DLGAP2: variants seen among roughly 807,000 people sequenced by gnomAD.
DLGAP2 encodes the protein disks large-associated protein 2.
A neutral mutation model predicts 100.3 loss-of-function variants in DLGAP2; 26 were observed. The observed-to-expected ratio is 0.26, with a 90% CI of 0.19 to 0.36. The LOEUF (loss-of-function observed/expected upper bound fraction) is 0.36, where lower values mean the gene tolerates loss of function less well. Ranked by LOEUF, DLGAP2 falls within the 10% of genes least tolerant of loss-of-function variation. The pLI is 1.00. For missense variants in DLGAP2, 1,858 were observed against 1,453.2 expected, an observed-to-expected ratio of 1.28 and a Z score of -4.53; for synonymous variants, 886 against 630.1, an observed-to-expected ratio of 1.41 and a Z score of -6.08.
At chr8:897,350 T>C (rs927235405) in intron 1 of DLGAP2, among the ~76,000 whole-genome samples, 8 of 152,222 alleles carry the variant, frequency 5.3e-5, no homozygotes, top group Non-Finnish European at 1.2e-4. Context: ...ACCACGATTG[T>C]GCCGATGTAT....
At chr8:1,316,549 CT>C (rs1563078692) in intron 3 of DLGAP2, among the ~76,000 whole-genome samples, 24 of 86,226 alleles carry the variant, frequency 2.8e-4, no homozygotes, top group South Asian at 1.2e-3. Flanking sequence ...AAAATAGAGG[CT>C]GTGCGAGTGC....
chr8:879,243 C>T (rs1015701671), intron 1 of DLGAP2, among the ~76,000 whole-genome samples: 1 of 152,198 alleles, frequency 6.6e-6, no homozygotes, highest in Non-Finnish European at 1.5e-5. Context: ...CTGTTAGCCA[C>T]TGACTAGAGA....
intron 3 of DLGAP2, among the ~76,000 whole-genome samples, chr8:1,487,897 C>T (rs140033576): frequency 6.6e-6 from 1 of 152,344 alleles, no homozygotes; most frequent in Non-Finnish European, 1.5e-5. Flanking sequence ...ACCACAGTTG[C>T]TGGAGCTGCT....
intron 2 of DLGAP2, among the ~76,000 whole-genome samples, chr8:1,066,175 T>C (rs1368970933): frequency 5.5e-5 from 7 of 127,430 alleles, no homozygotes; most frequent in South Asian, 5.6e-4. Flanking sequence ...GCGAGGACAG[T>C]TCCCCACCAC....
chr8:1,157,162 G>T (rs761693455), intron 2 of DLGAP2, among the ~76,000 whole-genome samples: 1 of 152,120 alleles, frequency 6.6e-6, no homozygotes, highest in African/African-American at 2.4e-5. Context: ...GCGGGGAAAA[G>T]TTCTCTCTCT....
At chr8:1,670,510 G>A (rs1006824521) in intron 10 of DLGAP2, among the ~76,000 whole-genome samples, 57 of 152,210 alleles carry the variant, frequency 3.7e-4, no homozygotes, top group Non-Finnish European at 5.9e-5. Flanking sequence ...CTGTGAGAGG[G>A]AACTGCACCC....
intron 8 of DLGAP2, among the ~76,000 whole-genome samples, chr8:1,657,195 T>C (rs546045740): frequency 2.0e-5 from 3 of 152,374 alleles, no homozygotes; most frequent in African/African-American, 4.8e-5. Flanking sequence ...TGATCACTTA[T>C]ATAATCCCAT....
At chr8:904,047 T>A (rs946065515) in intron 1 of DLGAP2, among the ~76,000 whole-genome samples, 5 of 152,148 alleles carry the variant, frequency 3.3e-5, no homozygotes, top group African/African-American at 1.2e-4. Flanking sequence ...GAGAGGACGC[T>A]GGTGGGGTGT....
chr8:1,428,123 G>T (rs996496931), intron 3 of DLGAP2, among the ~76,000 whole-genome samples: 1 of 150,842 alleles, frequency 6.6e-6, no homozygotes, highest in African/African-American at 2.4e-5. Flanking sequence ...GAAAGAAAAT[G>T]ATAAATATAA....
At chr8:1,645,875 A>C (rs1480466784) in intron 8 of DLGAP2, among the ~76,000 whole-genome samples, 1 of 152,200 alleles carries the variant, frequency 6.6e-6, no homozygotes, top group Non-Finnish European at 1.5e-5. Context: ...CATCACATGG[A>C]AATGAAAGGG....
intron 1 of DLGAP2, among the ~76,000 whole-genome samples, chr8:905,183 G>A (rs921556784): frequency 6.6e-6 from 1 of 152,216 alleles, no homozygotes; most frequent in African/African-American, 2.4e-5. Context: ...TACCTGGCGG[G>A]TTCAAGGAAA....
At chr8:1,667,182 C>T (rs765454370) in intron 8 of DLGAP2, among the ~76,000 whole-genome samples, 5 of 152,192 alleles carry the variant, frequency 3.3e-5, no homozygotes, top group Non-Finnish European at 4.4e-5. Flanking sequence ...TTGACTGTAA[C>T]GGACAACCAA....
chr8:1,619,912 G>A (rs17749054), intron 6 of DLGAP2: 31,215 of 152,090 alleles, frequency 0.21, 3,301 homozygotes, highest in Middle Eastern at 0.39. Context: ...CACATTTCAC[G>A]GCCAAGCACA....
intron 2 of DLGAP2, among the ~76,000 whole-genome samples, chr8:933,399 A>G (rs1165964357): frequency 6.8e-6 from 1 of 147,152 alleles, no homozygotes; most frequent in Non-Finnish European, 1.5e-5. Context: ...GGCTGTGGGC[A>G]CGAGGGTGAG....
At chr8:897,081 C>T (rs996001434) in intron 1 of DLGAP2, among the ~76,000 whole-genome samples, 7 of 152,120 alleles carry the variant, frequency 4.6e-5, no homozygotes, top group Non-Finnish European at 1.0e-4. Flanking sequence ...GGTGTGGAAT[C>T]GGAGCCCCCT....
intron 3 of DLGAP2, among the ~76,000 whole-genome samples, chr8:1,342,353 T>A (rs373132171): frequency 1.3e-5 from 2 of 152,158 alleles, no homozygotes; most frequent in African/African-American, 4.8e-5. Flanking sequence ...GTCCCACAGA[T>A]GATGCGTTTA....
intron 2 of DLGAP2, among the ~76,000 whole-genome samples, chr8:1,207,614 C>T (rs1006122020): frequency 2.6e-5 from 4 of 152,206 alleles, no homozygotes; most frequent in Admixed American, 2.6e-4. Flanking sequence ...AACAGTAGAT[C>T]TACTTTTAGT....
chr8:1,345,779 TG>T (rs1393121425), intron 3 of DLGAP2, among the ~76,000 whole-genome samples: 2 of 152,362 alleles, frequency 1.3e-5, no homozygotes, highest in Non-Finnish European at 2.9e-5. Context: ...TTTTTTTCTT[TG>T]ATCAGTGTAA....
chr8:809,809 A>G (rs1445654183), intron 1 of DLGAP2, among the ~76,000 whole-genome samples: 1 of 152,056 alleles, frequency 6.6e-6, no homozygotes, highest in Non-Finnish European at 1.5e-5. Context: ...TAAGGTGATG[A>G]GTTTTCTCTG....
Sources: gnomAD v4.1 joint callset for allele counts (sites outside exome capture counted in the v4.1 genomes callset) on GRCh38, gnomAD v4.1.1 for gene constraint, MANE v1.5 for transcripts, NCBI Gene and HGNC (gene_info 2026-07-23, HGNC 2026-07-21) for gene names.